Variants in H4C15 observed in about 807,000 individuals in gnomAD.
H4C15 encodes the protein H4 clustered histone 15.
the H4C15 span, chr1:149,848,215 T>G: frequency 6.6e-6 from 1 of 152,236 alleles, no homozygotes; most frequent in South Asian, 2.1e-4. Context: ...TCCAAATATG[T>G]AATTGGAGCA....
downstream of H4C15, chr1:149,850,661 T>C (rs1300828729): frequency 6.8e-6 from 3 of 439,134 alleles, no homozygotes; most frequent in African/African-American, 5.2e-5. Flanking sequence ...GTAGATGGAG[T>C]AGCTCTCCTT....
downstream of H4C15, among the ~76,000 whole-genome samples, chr1:149,855,359 T>C (rs1470929473): frequency 1.4e-4 from 19 of 137,242 alleles, 1 homozygote; most frequent in Non-Finnish European, 2.6e-4. Flanking sequence ...TCACATTTAA[T>C]TCTGCCTTAG....
At chr1:149,858,676 GGAGGGAAA>G (rs1442655022), downstream of H4C15, among the ~76,000 whole-genome samples, 3 of 95,796 alleles carry the variant, frequency 3.1e-5, no homozygotes, top group Non-Finnish European at 4.2e-5. Context: ...AGGGAGGGAG[GGAGGGAAA>G]GAAAGAAGAA....
chr1:149,846,866 ATGT>A, the H4C15 span: 1 of 152,250 alleles, frequency 6.6e-6, no homozygotes, highest in Non-Finnish European at 1.5e-5. Context: ...TTCTATATAG[ATGT>A]TGTATTAGTT....
downstream of H4C15, chr1:149,849,167 T>C (rs1298093009): frequency 1.3e-5 from 2 of 152,286 alleles, no homozygotes; most frequent in African/African-American, 4.8e-5. Context: ...CTATTAATTC[T>C]ACCTCAAAGA....
At chr1:149,848,346 G>C in the H4C15 span, 1 of 152,144 alleles carries the variant, frequency 6.6e-6, no homozygotes, top group Non-Finnish European at 1.5e-5. Context: ...AAATATGTCA[G>C]ACAAATTGGC....
the H4C15 span, chr1:149,844,528 T>G: frequency 2.0e-5 from 3 of 152,260 alleles, no homozygotes; most frequent in Non-Finnish European, 2.9e-5. Flanking sequence ...TTATATATTT[T>G]TATTAGGATT....
At chr1:149,858,707 A>T, downstream of H4C15, among the ~76,000 whole-genome samples, 1 of 92,302 alleles carries the variant, frequency 1.1e-5, no homozygotes, top group Non-Finnish European at 2.2e-5. Flanking sequence ...GAAAAAAAGA[A>T]AAGCTGTTAC....
At chr1:149,858,734 C>T (rs1360963644), downstream of H4C15, among the ~76,000 whole-genome samples, 10 of 75,542 alleles carry the variant, frequency 1.3e-4, no homozygotes, top group Non-Finnish European at 2.4e-4. Flanking sequence ...CAGTGGCTTT[C>T]AACCTTTAAT....
chr1:149,855,384 G>GTGTGT (rs1553757833), downstream of H4C15, among the ~76,000 whole-genome samples: 3 of 139,282 alleles, frequency 2.2e-5, no homozygotes, highest in South Asian at 4.5e-4. Flanking sequence ...GTGGGGGACA[G>GTGTGT]GTGTGTGTGT....
At chr1:149,850,180 A>C, downstream of H4C15, 1 of 673,322 alleles carries the variant, frequency 1.5e-6, no homozygotes, top group Admixed American at 2.4e-5. Context: ...TGCCTATGTG[A>C]AAAGAAAATA....
At chr1:149,850,256 T>C (rs782278972), downstream of H4C15, 255 of 1,178,376 alleles carry the variant, frequency 2.2e-4, no homozygotes, top group Non-Finnish European at 2.8e-4. Flanking sequence ...AAACATCAAC[T>C]GGGACTGACA....
At chr1:149,849,511 T>A (rs1412125003), downstream of H4C15, among the ~76,000 whole-genome samples, 4 of 152,170 alleles carry the variant, frequency 2.6e-5, no homozygotes, top group African/African-American at 9.7e-5. Flanking sequence ...AGTCCAGTGT[T>A]CCCAAAGCAG....
chr1:149,845,724 A>C, the H4C15 span: 12 of 152,254 alleles, frequency 7.9e-5, no homozygotes, highest in Non-Finnish European at 2.9e-5. Flanking sequence ...AATGAGATAG[A>C]GTGCTCTTGG....
At chr1:149,847,703 G>A in the H4C15 span, 1 of 152,306 alleles carries the variant, frequency 6.6e-6, no homozygotes, top group Non-Finnish European at 1.5e-5. Context: ...TACTCGGGAG[G>A]CTGAGGCAGG....
chr1:149,850,783 C>CTTTTT, downstream of H4C15: 1 of 38,540 alleles, frequency 2.6e-5, no homozygotes, highest in Non-Finnish European at 4.4e-5. Context: ...TGGCCAGACC[C>CTTTTT]AAGACCGACA....
chr1:149,846,887 G>A, the H4C15 span: 8 of 152,006 alleles, frequency 5.3e-5, no homozygotes, highest in Non-Finnish European at 8.8e-5. Flanking sequence ...GTTTCTTGTG[G>A]CTGCTGCAAC....
chr1:149,847,128 T>TCTCCTTCTATCGC, the H4C15 span: 1 of 152,048 alleles, frequency 6.6e-6, no homozygotes. Context: ...CAAATCCCTC[T>TCTCCTTCTATCGC]CTCCTTCTAT....
chr1:149,846,849 G>GA, the H4C15 span: 4 of 152,188 alleles, frequency 2.6e-5, no homozygotes, highest in East Asian at 7.7e-4. Context: ...TCCAATTATT[G>GA]AAAAAATTCT....
Sources: gnomAD v4.1 joint callset for allele counts (sites outside exome capture counted in the v4.1 genomes callset) on GRCh38, gnomAD v4.1.1 for gene constraint, MANE v1.5 for transcripts, NCBI Gene and HGNC (gene_info 2026-07-23, HGNC 2026-07-21) for gene names.